Variants in ANKS1A observed in about 807,000 individuals in gnomAD.
ANKS1A encodes ankyrin repeat and sterile alpha motif domain containing 1A.
In ANKS1A, 55 loss-of-function variants were observed where a neutral mutation model predicts 120.3. The ratio of observed to expected loss-of-function variants is 0.46; its 90% CI spans 0.37 to 0.57. ANKS1A has a LOEUF of 0.57. Among genes scored for constraint, ANKS1A ranks in the 20% least tolerant of loss-of-function variants. The pLI is 0.00. For missense variants in ANKS1A, 1,123 were observed against 1,480.3 expected, an observed-to-expected ratio of 0.76 and a Z score of 3.96; for synonymous variants, 590 against 604.7, an observed-to-expected ratio of 0.98 and a Z score of 0.36.
At chr6:35,039,094 G>T (rs756476076) in intron 11 of ANKS1A, among the ~76,000 whole-genome samples, 2,544 of 151,686 alleles carry the variant, frequency 0.017, 59 homozygotes, top group African/African-American at 0.05. Flanking sequence ...GTGTGTGTGG[G>T]GGGGGGTTAT....
intron 14 of ANKS1A, 48 bp from the exon 15 acceptor site, chr6:35,079,468 T>C: frequency 1.2e-6 from 2 of 1,607,344 alleles, no homozygotes; most frequent in Non-Finnish European, 1.7e-6. Context: ...CGGGTCCCTC[T>C]CCTGTGAGTG....
chr6:34,901,543 C>T (rs1321845755), intron 1 of ANKS1A, among the ~76,000 whole-genome samples: 1 of 152,136 alleles, frequency 6.6e-6, no homozygotes, highest in Non-Finnish European at 1.5e-5. Flanking sequence ...TGAGGTCTCA[C>T]CCTGTCACTC....
intron 11 of ANKS1A, among the ~76,000 whole-genome samples, chr6:35,020,292 T>TA (rs1356828810): frequency 6.6e-6 from 1 of 152,234 alleles, no homozygotes; most frequent in African/African-American, 2.4e-5. Context: ...AACAATTACT[T>TA]ACATATAGCA....
Position 35,016,124 on chromosome 6 carries a change from C to A in ANKS1A, c.1424-1349C>A, listed in dbSNP as rs558972376. On this transcript the variant is annotated intron_variant, in intron 10 of 23. Transcript: ENST00000360359. The stretch of plus-strand genomic sequence containing the variant: ...CAGCCCAGCCCAGTCACTTTAGACG[C>A]TGAGGCCCAATAAGATGAAATCACT... Among the ~76,000 whole-genome samples, 3 of 152,336 alleles carry A rather than the reference C, an allele frequency of 2.0e-5. No homozygotes were observed. The South Asian group carries it at 6.2e-4, about 32-fold the overall frequency.
intron 23 of ANKS1A, among the ~76,000 whole-genome samples, chr6:35,088,113 TAGAC>T (rs1194264804): frequency 6.6e-6 from 1 of 152,194 alleles, no homozygotes; most frequent in African/African-American, 2.4e-5. Flanking sequence ...GGATCACAGA[TAGAC>T]AGCGCCGTCC....
intron 1 of ANKS1A, among the ~76,000 whole-genome samples, chr6:34,919,244 C>T (rs1768318801): frequency 6.6e-6 from 1 of 152,138 alleles, no homozygotes; most frequent in African/African-American, 2.4e-5. Context: ...AAAACAGTTC[C>T]TTGTGAAGGT....
chr6:35,076,903 T>C (rs760296319), intron 13 of ANKS1A, among the ~76,000 whole-genome samples: 7 of 152,148 alleles, frequency 4.6e-5, no homozygotes, highest in Non-Finnish European at 8.8e-5. Context: ...GTGCTGGGAT[T>C]ACAGGGGTGA....
At chr6:34,929,953 A>T (rs1218165151) in intron 1 of ANKS1A, among the ~76,000 whole-genome samples, 2 of 151,688 alleles carry the variant, frequency 1.3e-5, no homozygotes, top group East Asian at 3.9e-4. Flanking sequence ...TTTCCCCTAT[A>T]GTCCTGGCTT....
Position 35,091,357 on chromosome 6 carries a change from A to G in ANKS1A, c.*2748A>G. ...TTGGTTTTGTTATTTTCATAACTGT[A>G]CACAACTTAGAACAGACTGAATTAA... On this transcript the variant is annotated 3_prime_UTR_variant, in exon 24 of 24. Transcript: ENST00000360359. 2 of 985,612 alleles carry G rather than the reference A, an allele frequency of 2.0e-6. No homozygotes were observed. Among genetic ancestry groups the G allele is most frequent in the Non-Finnish European group, 2.4e-6 (2 of 829,944 alleles). The allele number at this position is 985,612 out of a possible 1,614,324, so 61.1% of individuals were successfully genotyped here.
At chr6:34,922,468 C>T (rs764968500) in intron 1 of ANKS1A, among the ~76,000 whole-genome samples, 15 of 152,270 alleles carry the variant, frequency 9.9e-5, no homozygotes, top group South Asian at 4.1e-4. Context: ...CAGACATTGC[C>T]TTCCCACCTC....
At chr6:34,904,533 A>G (rs1451951198) in intron 1 of ANKS1A, among the ~76,000 whole-genome samples, 2 of 152,136 alleles carry the variant, frequency 1.3e-5, no homozygotes. Flanking sequence ...AGAGATTGAG[A>G]CCATCCTGGC....
At chr6:34,928,843 G>A (rs562320155) in intron 1 of ANKS1A, among the ~76,000 whole-genome samples, 2 of 152,290 alleles carry the variant, frequency 1.3e-5, no homozygotes, top group East Asian at 3.9e-4. Flanking sequence ...CCTCTTTTGA[G>A]TTCTAATGAA....
chr6:34,988,713 T>C (rs1772347138), intron 8 of ANKS1A, among the ~76,000 whole-genome samples: 1 of 152,150 alleles, frequency 6.6e-6, no homozygotes, highest in Middle Eastern at 3.4e-3. Context: ...TAAATGGGAG[T>C]AGACCAGTAT....
In ANKS1A at chr6:34,889,486, C is replaced by A; in HGVS notation, c.84C>A (p.Leu28=). 3 of 1,280,622 alleles carry A rather than the reference C, an allele frequency of 2.3e-6. No individual in the cohort carries two copies. Among genetic ancestry groups the A allele is most frequent in the Non-Finnish European group, 2.9e-6 (3 of 1,021,040 alleles). The allele number at this position is 1,280,622 out of a possible 1,614,324, so 79.3% of individuals were successfully genotyped here. ...AGAAGCTGCTGTCCGGGAAGCGGCT[C>A]TCCTCAGGCTTTGGGGGCGGCGGCG... ...AVEKLLSGKR[L]SSGFGGGGGG... Residue 28 remains leucine (L), a synonymous_variant, in exon 1 of 24, where the codon CTC becomes CTA. Transcript: ENST00000360359. This position sits in a 1 kb window ranked among gnomAD's most constrained non-coding sequence, Gnocchi z 5.5.
chr6:34,912,676 C>A (rs1390513061), intron 1 of ANKS1A, among the ~76,000 whole-genome samples: 1 of 152,168 alleles, frequency 6.6e-6, no homozygotes, highest in Non-Finnish European at 1.5e-5. Context: ...TAGTTTTCTA[C>A]CACAAAGTCG....
intron 13 of ANKS1A, among the ~76,000 whole-genome samples, chr6:35,067,592 A>G (rs530526650): frequency 6.6e-6 from 1 of 152,274 alleles, no homozygotes; most frequent in Admixed American, 6.5e-5. Flanking sequence ...GGGGATATTC[A>G]CATGCAGTAG....
chr6:35,077,173 G>A (rs1005992200), intron 13 of ANKS1A, among the ~76,000 whole-genome samples: 11 of 152,212 alleles, frequency 7.2e-5, no homozygotes, highest in Admixed American at 7.2e-4. Flanking sequence ...AGCTGTCAGT[G>A]TTAAGGCACG....
At chr6:35,008,692 A>G (rs1486182950) in intron 10 of ANKS1A, among the ~76,000 whole-genome samples, 2 of 151,944 alleles carry the variant, frequency 1.3e-5, no homozygotes, top group Non-Finnish European at 2.9e-5. Flanking sequence ...AGCCATTTAT[A>G]TACATGTATA....
chr6:35,043,262 G>C lies in ANKS1A; in HGVS notation c.2011-10837G>C, dbSNP rs75948449. ...ACCTGAGTTGACAATGAGAGCCCAT[G>C]ACTTGCTAATGCCTGTGATCTGTAA... is the stretch of plus-strand genomic sequence containing the variant. On this transcript the variant is annotated intron_variant, in intron 11 of 23. Coordinates refer to ENST00000360359, the MANE Select transcript of ANKS1A (RefSeq NM_015245.3). Among the ~76,000 whole-genome samples the C allele has an allele frequency of 5.3e-5, 8 of 152,368 alleles. No individual in the cohort carries two copies. The East Asian group carries it at 1.5e-3, about 29-fold the overall frequency.
Sources: allele counts gnomAD v4.1 joint callset (sites outside exome capture counted in the v4.1 genomes callset), GRCh38; gene constraint gnomAD v4.1.1; non-coding constraint Gnocchi (gnomAD v3.1); transcripts MANE v1.5; gene names NCBI Gene and HGNC (gene_info 2026-07-23, HGNC 2026-07-21).